RAB27B: variants seen among roughly 807,000 people sequenced by gnomAD.
The protein encoded by RAB27B is RAB27B, member RAS oncogene family.
Under a neutral mutation model 24.6 loss-of-function variants are expected in RAB27B, and 15 were observed. The ratio of observed to expected loss-of-function variants is 0.61; its 90% CI spans 0.41 to 0.94. The LOEUF (loss-of-function observed/expected upper bound fraction) is 0.94. Ranked by LOEUF, RAB27B falls within the 40% of genes least tolerant of loss-of-function variation. The probability of loss-of-function intolerance (pLI) is 0.00; values close to 1 mark genes in which losing one functional copy is unlikely to be tolerated. For missense variants in RAB27B, 261 were observed against 266.8 expected (o/e 0.98, Z 0.15); for synonymous variants, 105 against 92.5 (o/e 1.14, Z -0.78).
chr18:54,801,008 G>GTTTT lies in RAB27B; in HGVS notation c.-19-76538_-19-76535dup, dbSNP rs11363761. 5.0e-3 allele frequency among the ~76,000 whole-genome samples: 461 copies of GTTTT among 92,980 alleles called. 16 individuals are homozygous for GTTTT. Among genetic ancestry groups the GTTTT allele is most frequent in the African/African-American group, 0.017 (404 of 23,738 alleles). 61.0% of individuals were successfully genotyped at this position (92,980 alleles called of 152,430 possible). A position where few individuals can be genotyped will look rare whatever the true frequency, so the allele number is the denominator to read the frequency against. On this transcript the variant is annotated intron_variant, in intron 2 of 4. Coordinates refer to the RAB27B transcript ENST00000586570. ...ATTTTTAAATTTGTTTTGTTCCTGT[G>GTTTT]TTTTTTTTTTTTTTTTTTTTTTTTA...
intron 2 of RAB27B, among the ~76,000 whole-genome samples, chr18:54,749,699 A>G (rs891254272): frequency 1.3e-5 from 2 of 152,234 alleles, no homozygotes; most frequent in Non-Finnish European, 2.9e-5. Context: ...AAAAGAGTCC[A>G]AAGAAAGCTA....
At position 54,894,501 on chromosome 18, in the gene RAB27B, A is replaced by G. The variant is rs938967026; in HGVS notation, c.*5088A>G. 1 of 152,046 alleles carries G rather than the reference A, an allele frequency of 6.6e-6. No individual in the cohort carries two copies. Among genetic ancestry groups the G allele is most frequent in the African/African-American group, 2.4e-5 (1 of 41,430 alleles). 9.4% of individuals were successfully genotyped at this position (152,046 alleles called of 1,614,324 possible). A position where few individuals can be genotyped will look rare whatever the true frequency, so the allele number is the denominator to read the frequency against. On this transcript the variant is annotated 3_prime_UTR_variant, in exon 6 of 6. Transcript: ENST00000262094. ...GGTTTCTGTTCCTAGAAAAGTAATA[A>G]CATATGCTTATCTTTATTCTTTTTC...
intron 1 of RAB27B, among the ~76,000 whole-genome samples, chr18:54,841,417 A>T (rs529568332): frequency 6.6e-6 from 1 of 152,354 alleles, no homozygotes; most frequent in Non-Finnish European, 1.5e-5. Flanking sequence ...ATAGCAGAAC[A>T]TTATATGCCA....
At chr18:54,780,632 C>A (rs1213125562) in intron 2 of RAB27B, among the ~76,000 whole-genome samples, 1 of 152,212 alleles carries the variant, frequency 6.6e-6, no homozygotes, top group African/African-American at 2.4e-5. Flanking sequence ...TTAGAGCCAA[C>A]CCACATGACC....
At chr18:54,885,305 A>G (rs555277849) in intron 4 of RAB27B, among the ~76,000 whole-genome samples, 2 of 152,262 alleles carry the variant, frequency 1.3e-5, no homozygotes, top group South Asian at 2.1e-4. Flanking sequence ...TTTAAAAACT[A>G]GATCATGTTA....
At chr18:54,785,882 G>C (rs1401151409) in intron 2 of RAB27B, among the ~76,000 whole-genome samples, 1 of 152,144 alleles carries the variant, frequency 6.6e-6, no homozygotes, top group Non-Finnish European at 1.5e-5. Context: ...AATACATAAA[G>C]ATTCTTCTTA....
chr18:54,799,764 G>A (rs2145127188), intron 2 of RAB27B, among the ~76,000 whole-genome samples: 1 of 151,582 alleles, frequency 6.6e-6, no homozygotes, highest in African/African-American at 2.4e-5. Flanking sequence ...TGAGTAGATG[G>A]GATTACAGGC....
At chr18:54,764,060 G>T (rs1016601083) in intron 2 of RAB27B, among the ~76,000 whole-genome samples, 4 of 151,994 alleles carry the variant, frequency 2.6e-5, no homozygotes, top group Admixed American at 2.6e-4. Context: ...TCTCTGTCTT[G>T]CCCATTATAT....
At chr18:54,798,731 C>T (rs1483200708) in intron 2 of RAB27B, among the ~76,000 whole-genome samples, 1 of 152,200 alleles carries the variant, frequency 6.6e-6, no homozygotes, top group Non-Finnish European at 1.5e-5. Context: ...TGCTAACATT[C>T]AGTCACATTC....
intron 1 of RAB27B, among the ~76,000 whole-genome samples, chr18:54,836,518 G>A (rs1340287930): frequency 2.0e-5 from 3 of 151,908 alleles, no homozygotes; most frequent in Non-Finnish European, 2.9e-5. Flanking sequence ...TAAATATTGA[G>A]ACACATGAAG....
At chr18:54,827,894 T>C (rs1326935041), upstream of RAB27B, among the ~76,000 whole-genome samples, 2 of 152,232 alleles carry the variant, frequency 1.3e-5, no homozygotes, top group Non-Finnish European at 2.9e-5. Flanking sequence ...TAGTAGGTGC[T>C]TAACAAATAC....
intron 2 of RAB27B, among the ~76,000 whole-genome samples, chr18:54,878,304 A>G (rs1245159362): frequency 6.6e-6 from 1 of 152,168 alleles, no homozygotes; most frequent in Non-Finnish European, 1.5e-5. Flanking sequence ...TCCTTCTCCT[A>G]TGCTAGACGC....
intron 2 of RAB27B, among the ~76,000 whole-genome samples, chr18:54,742,288 A>G (rs867677643): frequency 1.3e-5 from 2 of 152,306 alleles, no homozygotes; most frequent in Middle Eastern, 3.4e-3. Flanking sequence ...TGGGTGGAAT[A>G]CAGTGTTGAA....
chr18:54,730,151 T>C (rs1452764982), intron 2 of RAB27B, among the ~76,000 whole-genome samples: 1 of 152,124 alleles, frequency 6.6e-6, no homozygotes, highest in Non-Finnish European at 1.5e-5. Flanking sequence ...CCAAACAGAG[T>C]GAAGAGGTTG....
At chr18:54,841,264 GA>G (rs1359791656) in intron 1 of RAB27B, among the ~76,000 whole-genome samples, 1 of 151,572 alleles carries the variant, frequency 6.6e-6, no homozygotes, top group Non-Finnish European at 1.5e-5. Context: ...AGTATTTGGG[GA>G]AAAAAATAAA....
intron 2 of RAB27B, among the ~76,000 whole-genome samples, chr18:54,785,809 A>G (rs1909066314): frequency 6.6e-6 from 1 of 152,192 alleles, no homozygotes; most frequent in Non-Finnish European, 1.5e-5. Context: ...ATGAACAGTT[A>G]GGGGCCAGCG....
intron 2 of RAB27B, among the ~76,000 whole-genome samples, chr18:54,761,214 C>G (rs1830979410): frequency 6.6e-6 from 1 of 152,110 alleles, no homozygotes; most frequent in Admixed American, 6.6e-5. Flanking sequence ...CTGAGCTCAA[C>G]TCCTTAGACT....
At chr18:54,826,144 A>G (rs1910463873), upstream of RAB27B, among the ~76,000 whole-genome samples, 1 of 152,266 alleles carries the variant, frequency 6.6e-6, no homozygotes, top group Non-Finnish European at 1.5e-5. Context: ...GATGAAATAC[A>G]TGTGATAATC....
chr18:54,837,216 G>T (rs954706918), intron 1 of RAB27B, among the ~76,000 whole-genome samples: 5 of 152,020 alleles, frequency 3.3e-5, no homozygotes, highest in Non-Finnish European at 7.4e-5. Context: ...ATTTAAGGAG[G>T]TTAAAACTGT....
Sources: gnomAD v4.1 joint callset for allele counts (sites outside exome capture counted in the v4.1 genomes callset) on GRCh38, gnomAD v4.1.1 for gene constraint, MANE v1.5 for transcripts, NCBI Gene and HGNC (gene_info 2026-07-23, HGNC 2026-07-21) for gene names.